Variants in ABHD16A observed in about 807,000 individuals in gnomAD.
ABHD16A encodes the protein abhydrolase domain containing 16A, phospholipase.
Under a neutral mutation model 89.8 loss-of-function variants are expected in ABHD16A, and 47 were observed. The ratio of observed to expected loss-of-function variants is 0.52; its 90% CI spans 0.41 to 0.67. The LOEUF (loss-of-function observed/expected upper bound fraction) is 0.67, where lower values mean the gene tolerates loss of function less well. Among genes scored for constraint, ABHD16A ranks in the 30% least tolerant of loss-of-function variants. The probability of loss-of-function intolerance (pLI) is 0.00; values close to 1 mark genes in which losing one functional copy is unlikely to be tolerated. For missense variants in ABHD16A, 580 were observed against 734.6 expected (o/e 0.79, Z 2.43); for synonymous variants, 251 against 280.4 (o/e 0.90, Z 1.05).
At position 31,698,480 on chromosome 6, in the gene ABHD16A, G is replaced by A. The variant is rs1804601086; in HGVS notation, c.344-1447C>T. Among the ~76,000 whole-genome samples, 1 of 134,108 alleles carries A rather than the reference G, an allele frequency of 7.5e-6. No homozygotes were observed. The highest frequency in any genetic ancestry group is 2.4e-4 in the South Asian group (1 of 4,110). The allele number at this position is 134,108 out of a possible 152,430, so 88.0% of individuals were successfully genotyped here. The stretch of plus-strand genomic sequence containing the variant: ...TATATTTTGTTCTCTGGACTTTTCT[G>A]TATTTTTTCTTTTTTCTTTTTTTTG... On this transcript the variant is annotated intron_variant, in intron 4 of 19. Transcript: ENST00000395952. This position sits in a 1 kb window ranked among gnomAD's most constrained non-coding sequence, Gnocchi z 4.1.
intron 1 of ABHD16A, chr6:31,702,559 G>C: frequency 7.1e-7 from 1 of 1,401,994 alleles, no homozygotes; most frequent in Non-Finnish European, 9.4e-7. Context: ...GTAGGAGACA[G>C]TAACACAATG....
intron 5 of ABHD16A, among the ~76,000 whole-genome samples, chr6:31,696,535 A>C (rs1804412858): frequency 6.6e-6 from 1 of 151,920 alleles, no homozygotes; most frequent in African/African-American, 2.4e-5. Flanking sequence ...CAGGAAGCTG[A>C]GACAGGAGAA....
chr6:31,698,502 T>A lies in ABHD16A; in HGVS notation c.344-1469A>T. On this transcript the variant is annotated intron_variant, in intron 4 of 19. Transcript: ENST00000395952. The surrounding 1 kb of genome is among the most constrained non-coding windows in gnomAD (Gnocchi z 4.1). ...TCTGTATTTTTTCTTTTTTCTTTTT[T>A]TTGAGACAGTTTTGCTCTTGTTGCC... 3.4e-5 allele frequency among the ~76,000 whole-genome samples: 1 copy of A among 29,246 alleles called. No homozygotes were observed. Among genetic ancestry groups the A allele is most frequent in the Non-Finnish European group, 5.7e-5 (1 of 17,616 alleles). 19.2% of individuals were successfully genotyped at this position (29,246 alleles called of 152,430 possible).
In ABHD16A at chr6:31,698,862, T is replaced by G. The variant is rs1804635589; in HGVS notation, c.344-1829A>C. ...CAGCCCTGACCCCACCACCCCCATGTTGAAGCATCGCCCATCACCTGGTTG... is the reference window on the plus strand; with the variant it reads ...CAGCCCTGACCCCACCACCCCCATGGTGAAGCATCGCCCATCACCTGGTTG... On this transcript the variant is annotated intron_variant, in intron 4 of 19. Coordinates refer to ENST00000395952, the MANE Select transcript of ABHD16A (RefSeq NM_021160.3). The surrounding 1 kb of genome is among the most constrained non-coding windows in gnomAD (Gnocchi z 4.1). 6.6e-6 allele frequency among the ~76,000 whole-genome samples: 1 copy of G among 152,108 alleles called. No homozygotes were observed. The highest frequency in any genetic ancestry group is 1.5e-5 in the Non-Finnish European group (1 of 68,022).
chr6:31,689,770 A>C, intron 11 of ABHD16A, 66 bp from the exon 12 acceptor site: 3 of 1,552,856 alleles, frequency 1.9e-6, no homozygotes, highest in South Asian at 2.5e-5. Flanking sequence ...GTCCCTCCCA[A>C]CGTGGACCCC....
chr6:31,692,850 C>T (rs1296521623), intron 7 of ABHD16A, 177 bp downstream of exon 7: 17 of 836,670 alleles, frequency 2.0e-5, no homozygotes, highest in Non-Finnish European at 3.1e-5. Context: ...CTCTCTGAGC[C>T]TCTTTTCTTC....
rs1279395280 is a variant in ABHD16A at position 31,691,864 on chromosome 6, G to A, written c.681C>T (p.Tyr227=). Residue 227 remains tyrosine (Y), a synonymous_variant, in exon 8 of 20, where the codon TAC becomes TAT. Coordinates refer to ENST00000395952, the MANE Select transcript of ABHD16A (RefSeq NM_021160.3). ...GRRMLYPGSV[Y]LLQKALMPVL... is the part of the protein sequence containing the mutation. ...CAGGCATGAGGGCCTTCTGCAGCAG[G>A]TACACAGAGCCTGGATACAGCATCC... is the stretch of plus-strand genomic sequence containing the variant. 7 of 1,611,592 alleles carry A rather than the reference G, an allele frequency of 4.3e-6. No homozygotes were observed. Among genetic ancestry groups the A allele is most frequent in the South Asian group, 1.1e-5 (1 of 90,912 alleles).
intron 4 of ABHD16A, 105 bp downstream of exon 4, chr6:31,700,837 T>C: frequency 2.3e-6 from 2 of 863,750 alleles, no homozygotes; most frequent in Non-Finnish European, 3.8e-6. Flanking sequence ...TTCTCAATGA[T>C]TCCCTCTCGG....
At chr6:31,700,054 G>A (rs894848153) in intron 4 of ABHD16A, among the ~76,000 whole-genome samples, 1 of 151,604 alleles carries the variant, frequency 6.6e-6, no homozygotes, top group African/African-American at 2.4e-5. Flanking sequence ...GGCTTCATCT[G>A]CGTTGTTGAG....
At chr6:31,691,961 C>T in intron 7 of ABHD16A, 43 bp from the exon 8 acceptor site, 2 of 1,487,452 alleles carry the variant, frequency 1.3e-6, no homozygotes, top group Non-Finnish European at 1.8e-6. Context: ...CTGTTGAGGC[C>T]TGGGGACTGT....
chr6:31,692,904 C>T, intron 7 of ABHD16A, 123 bp downstream of exon 7: 1 of 1,371,998 alleles, frequency 7.3e-7, no homozygotes, highest in Non-Finnish European at 1.0e-6. Flanking sequence ...AAATGATCTA[C>T]ACAAACCATA....
chr6:31,690,319 G>C lies in ABHD16A; in HGVS notation c.908-192C>G. 1 of 678,016 alleles carries C rather than the reference G, an allele frequency of 1.5e-6. No homozygotes were observed. The highest frequency in any genetic ancestry group is 2.5e-6 in the Non-Finnish European group (1 of 397,578). 42.0% of individuals were successfully genotyped at this position (678,016 alleles called of 1,614,324 possible). On this transcript the variant is annotated intron_variant, in intron 10 of 19. Coordinates refer to ENST00000395952, the MANE Select transcript of ABHD16A (RefSeq NM_021160.3). The surrounding 1 kb of genome is among the most constrained non-coding windows in gnomAD (Gnocchi z 4.1). ...CATGTGATTGTGTGGGGTGTGTGGTGGGGGAATGGAACAGAATGAAAAGCA... is the reference window on the plus strand; with the variant it reads ...CATGTGATTGTGTGGGGTGTGTGGTCGGGGAATGGAACAGAATGAAAAGCA...
chr6:31,691,028 C>T (rs1803824533), intron 9 of ABHD16A, among the ~76,000 whole-genome samples: 1 of 152,098 alleles, frequency 6.6e-6, no homozygotes, highest in South Asian at 2.1e-4. Context: ...AAGCTGAAAC[C>T]CACGAATGGT....
rs1407138827 is a variant in ABHD16A, at chr6:31,690,906, G to A, written c.844-304C>T. On this transcript the variant is annotated intron_variant, in intron 9 of 19. Coordinates refer to ENST00000395952, the MANE Select transcript of ABHD16A (RefSeq NM_021160.3). This position sits in a 1 kb window ranked among gnomAD's most constrained non-coding sequence, Gnocchi z 4.1. ...GAGATGTTTTTCCTTTCTCGTTTTCGGGTCTGTTATCTTCTGTGACCATTG... is the reference window on the plus strand; with the variant it reads ...GAGATGTTTTTCCTTTCTCGTTTTCAGGTCTGTTATCTTCTGTGACCATTG... 2.0e-5 allele frequency among the ~76,000 whole-genome samples: 3 copies of A among 152,080 alleles called. No individual in the cohort carries two copies. Among genetic ancestry groups the A allele is most frequent in the African/African-American group, 4.8e-5 (2 of 41,390 alleles).
chr6:31,697,729 C>G (rs906672855), intron 4 of ABHD16A, among the ~76,000 whole-genome samples: 1 of 152,218 alleles, frequency 6.6e-6, no homozygotes, highest in Non-Finnish European at 1.5e-5. Flanking sequence ...TTCACTTACA[C>G]AGTCAGTGAT....
In ABHD16A at chr6:31,688,740, G is replaced by A. The variant is rs147830631; in HGVS notation, c.1233C>T (p.Asn411=). The A allele has an allele frequency of 1.6e-4, 255 of 1,613,024 alleles. No individual in the cohort carries two copies. Among genetic ancestry groups the A allele is most frequent in the Non-Finnish European group, 1.9e-4 (224 of 1,180,002 alleles). Residue 411 remains asparagine, a synonymous_variant, in exon 14 of 20, where the codon AAC becomes AAT. Transcript: ENST00000395952. The surrounding 1 kb of genome is among the most constrained non-coding windows in gnomAD (Gnocchi z 4.9). ...RTVRQHLNLN[N]AEQLCRYQGP... is the part of the protein sequence containing the mutation. ...GCCCTCACCTGCACAGCTGCTCCGC[G>A]TTGTTTAGATTGAGATGCTGCCTCA...
At chr6:31,699,242 T>G (rs1445650916) in intron 4 of ABHD16A, among the ~76,000 whole-genome samples, 1 of 151,206 alleles carries the variant, frequency 6.6e-6, no homozygotes, top group Admixed American at 6.6e-5. Context: ...CCATCTCTAC[T>G]AAAAAATACA....
intron 7 of ABHD16A, chr6:31,692,745 A>AACCCCCC: frequency 9.3e-6 from 1 of 107,220 alleles, no homozygotes; most frequent in Non-Finnish European, 1.8e-5. Context: ...TGTCCTCCCC[A>AACCCCCC]CCCCCACCCC....
chr6:31,690,349 A>G lies in ABHD16A; in HGVS notation c.907+190T>C. 1 of 695,014 alleles carries G rather than the reference A, an allele frequency of 1.4e-6. No homozygotes were observed. The highest frequency in any genetic ancestry group is 2.5e-6 in the Non-Finnish European group (1 of 404,822). 43.1% of individuals were successfully genotyped at this position (695,014 alleles called of 1,614,324 possible). A position where few individuals can be genotyped will look rare whatever the true frequency, so the allele number is the denominator to read the frequency against. The stretch of plus-strand genomic sequence containing the variant: ...AATGGAACAGAATGAAAAGCATAAT[A>G]GCTAGGGACACAGGCCAGGGGAGGG... On this transcript the variant is annotated intron_variant, in intron 10 of 19. Transcript: ENST00000395952. The surrounding 1 kb of genome is among the most constrained non-coding windows in gnomAD (Gnocchi z 4.1).
Sources: gnomAD v4.1 joint callset for allele counts (sites outside exome capture counted in the v4.1 genomes callset) on GRCh38, gnomAD v4.1.1 for gene constraint, Gnocchi (gnomAD v3.1) non-coding constraint, MANE v1.5 for transcripts, NCBI Gene and HGNC (gene_info 2026-07-23, HGNC 2026-07-21) for gene names.